Variants in RPTOR observed in about 807,000 individuals in gnomAD.
RPTOR encodes the protein regulatory-associated protein of mTOR.
In RPTOR, 21 loss-of-function variants were observed where a neutral mutation model predicts 169.9. That is an observed-to-expected ratio of 0.12 (90% CI 0.09 to 0.18). The LOEUF is 0.18. RPTOR is among the 10% of genes least tolerant of loss of function. The pLI is 1.00. For missense variants in RPTOR, 1,133 were observed against 1,855.9 expected (o/e 0.61, Z 7.16); for synonymous variants, 732 against 753.2 (o/e 0.97, Z 0.46).
chr17:80,914,822 G>T (rs1471612810), intron 21 of RPTOR, among the ~76,000 whole-genome samples: 1 of 152,258 alleles, frequency 6.6e-6, no homozygotes, highest in Non-Finnish European at 1.5e-5. Context: ...GCAGGAGGCA[G>T]ACAGGGTCCT....
chr17:80,940,548 G>A lies in RPTOR; in HGVS notation c.2972G>A (p.Arg991Gln), dbSNP rs781599712. 1.2e-6 allele frequency: 2 copies of A among 1,613,496 alleles called. No individual in the cohort carries two copies. Among genetic ancestry groups the A allele is most frequent in the South Asian group, 1.1e-5 (1 of 90,988 alleles). ...CAGATCCGCAAGGAGCGGGAGTGGCGGTTCCTGCGAAACAGCCGTGTCAGG... is the reference window on the plus strand; with the variant it reads ...CAGATCCGCAAGGAGCGGGAGTGGCAGTTCCTGCGAAACAGCCGTGTCAGG... ...ESQIRKEREW[R>Q]FLRNSRVRRQ... The change falls in exon 25 of 34, where the codon CGG becomes CAG. Residue 991 changes from arginine to glutamine, a missense_variant. By Grantham distance (43) the Arg-to-Gln change is conservative. Transcript: ENST00000306801.
intron 7 of RPTOR, among the ~76,000 whole-genome samples, chr17:80,812,789 T>C (rs1419496621): frequency 6.6e-6 from 1 of 152,258 alleles, no homozygotes; most frequent in Admixed American, 6.5e-5. Flanking sequence ...CATCTGCCGT[T>C]ACCCGCAAGG....
chr17:80,631,368 AGT>A (rs1268914925), intron 2 of RPTOR, among the ~76,000 whole-genome samples: 4 of 151,982 alleles, frequency 2.6e-5, no homozygotes, highest in African/African-American at 7.3e-5. Flanking sequence ...CATGCAGGAG[AGT>A]GTGAGTGCCC....
At chr17:80,918,420 TCATA>T (rs2068700917) in intron 21 of RPTOR, among the ~76,000 whole-genome samples, 1 of 123,540 alleles carries the variant, frequency 8.1e-6, no homozygotes, top group South Asian at 2.5e-4. Flanking sequence ...CTCGCGGGGG[TCATA>T]GCCACGAGCA....
In RPTOR at chr17:80,923,526, C is replaced by T. The variant is rs2143981034; in HGVS notation, c.2661C>T (p.Ser887=). 1.9e-6 allele frequency: 3 copies of T among 1,613,418 alleles called. No individual in the cohort carries two copies. The highest frequency in any genetic ancestry group is 1.6e-4 in the Middle Eastern group (1 of 6,062). The change falls in exon 23 of 34, where the codon AGC becomes AGT. Residue 887 remains serine, a synonymous_variant. Transcript: ENST00000306801. ...SPPASSTSSS[S]LTNDVAKQPV... ...CGGCGTCCAGCACCAGCAGCTCCAG[C>T]CTGACCAACGATGTGGCCAAGCAGC...
chr17:80,668,207 T>C (rs2065795444), intron 3 of RPTOR, among the ~76,000 whole-genome samples: 1 of 152,026 alleles, frequency 6.6e-6, no homozygotes, highest in South Asian at 2.1e-4. Flanking sequence ...TCCTAGTGAG[T>C]TCTTTTGGGT....
chr17:80,569,991 T>C (rs1568310198), intron 1 of RPTOR, among the ~76,000 whole-genome samples: 1 of 152,146 alleles, frequency 6.6e-6, no homozygotes. Context: ...CTGCCTTGCC[T>C]TCAGGCAGGG....
chr17:80,767,228 G>A (rs1318307179), intron 6 of RPTOR, among the ~76,000 whole-genome samples: 2 of 152,058 alleles, frequency 1.3e-5, no homozygotes, highest in African/African-American at 4.8e-5. Flanking sequence ...AAAATTACTC[G>A]TGCGTGGTGG....
chr17:80,754,730 C>T lies in RPTOR; in HGVS notation c.830+545C>T, dbSNP rs1263075240. 6.6e-6 allele frequency among the ~76,000 whole-genome samples: 1 copy of T among 152,210 alleles called. No individual in the cohort carries two copies. Among genetic ancestry groups the T allele is most frequent in the African/African-American group, 2.4e-5 (1 of 41,454 alleles). On this transcript the variant is annotated intron_variant, in intron 6 of 33. Coordinates refer to ENST00000306801, the MANE Select transcript of RPTOR (RefSeq NM_020761.3). The surrounding 1 kb of genome is among the most constrained non-coding windows in gnomAD (Gnocchi z 4.2). The stretch of plus-strand genomic sequence containing the variant: ...CAGCCCCAACATCCCCAGCAGAACG[C>T]ACAGTGGGATATGTGTGTTTCCTGC...
At position 80,922,779 on chromosome 17, in the gene RPTOR, C is replaced by A; in HGVS notation, c.2576C>A (p.Ser859Ter). The A allele has an allele frequency of 6.3e-7, 1 of 1,578,714 alleles. No individual in the cohort carries two copies. The highest frequency in any genetic ancestry group is 2.4e-5 in the East Asian group (1 of 42,498). ...CTGGACACCTCCTCCCTCACGCAGT[C>A]GGCCCCCGCCAGCCCCACCAACAAG... ...RVLDTSSLTQSAPASPTNKGV... is the reference protein window; with the variant it reads ...RVLDTSSLTQ The change falls in exon 22 of 34, where the codon TCG becomes TAG. Residue 859 changes from serine to a stop codon, truncating the protein, a stop_gained. Coordinates refer to ENST00000306801, the MANE Select transcript of RPTOR (RefSeq NM_020761.3). LOFTEE classifies it high-confidence loss of function.
At chr17:80,873,237 AC>A (rs1470182186) in intron 13 of RPTOR, among the ~76,000 whole-genome samples, 1 of 152,128 alleles carries the variant, frequency 6.6e-6, no homozygotes, top group African/African-American at 2.4e-5. Context: ...CAGCCCTGCC[AC>A]TGGGCACAGG....
chr17:80,862,298 G>A (rs565369905), intron 13 of RPTOR, among the ~76,000 whole-genome samples: 1 of 152,176 alleles, frequency 6.6e-6, no homozygotes, highest in East Asian at 1.9e-4. Context: ...AGTGTTTCCG[G>A]TAGAAACTGA....
chr17:80,642,543 C>G (rs1409341530), intron 2 of RPTOR, among the ~76,000 whole-genome samples: 1 of 152,080 alleles, frequency 6.6e-6, no homozygotes, highest in Non-Finnish European at 1.5e-5. Flanking sequence ...GTTCAATGAG[C>G]TGATATTTTC....
chr17:80,809,444 G>A (rs929471546), intron 7 of RPTOR, among the ~76,000 whole-genome samples: 8 of 152,266 alleles, frequency 5.3e-5, no homozygotes, highest in African/African-American at 1.4e-4. Context: ...CACCCACCTC[G>A]GCCACCCAAG....
intron 11 of RPTOR, among the ~76,000 whole-genome samples, chr17:80,851,993 C>T (rs78188402): frequency 0.024 from 3,728 of 152,302 alleles, 171 homozygotes; most frequent in African/African-American, 0.086. Context: ...GCAGCCATGG[C>T]GAGACCTGCC....
In RPTOR at chr17:80,861,840, TC is replaced by T. The variant is rs148762748; in HGVS notation, c.1509+3941del. 6.6e-6 allele frequency among the ~76,000 whole-genome samples: 1 copy of T among 152,300 alleles called. No homozygotes were observed. Among genetic ancestry groups the T allele is most frequent in the African/African-American group, 2.4e-5 (1 of 41,550 alleles). On this transcript the variant is annotated intron_variant, in intron 13 of 33. Transcript: ENST00000306801. The surrounding 1 kb of genome is among the most constrained non-coding windows in gnomAD (Gnocchi z 4.5). Reference sequence around the variant, plus strand: ...ATTGATGATGTCTTTATTTTTAGTCTCAGGGGTGGCTCTTGGTGAAAGGGGA... The same window carrying T: ...ATTGATGATGTCTTTATTTTTAGTCTAGGGGTGGCTCTTGGTGAAAGGGGA...
rs546153704 is a variant in RPTOR, at chr17:80,653,525, T to C, written c.348+9715T>C. Among the ~76,000 whole-genome samples, 13 of 152,120 alleles carry C rather than the reference T, an allele frequency of 8.5e-5. No individual in the cohort carries two copies. The East Asian group carries it at 2.3e-3, about 27-fold the overall frequency. On this transcript the variant is annotated intron_variant, in intron 3 of 33. Transcript: ENST00000306801. ...AGAGCTGTGGTCTCTCCACCTGGAG[T>C]GTATGTCGGGAGAAAGCTCCTGTCG...
intron 20 of RPTOR, 103 bp downstream of exon 20, chr17:80,893,968 ACTGT>A (rs1445184106): frequency 1.2e-5 from 14 of 1,192,048 alleles, no homozygotes; most frequent in East Asian, 2.8e-5. Flanking sequence ...GGGTGTCAAA[ACTGT>A]CTGTTCAAAA....
At chr17:80,590,517 T>TG in intron 1 of RPTOR, among the ~76,000 whole-genome samples, 1 of 151,016 alleles carries the variant, frequency 6.6e-6, no homozygotes, top group African/African-American at 2.4e-5. Flanking sequence ...CTTTAATGGT[T>TG]GAGCTGTGTG....
Sources: gnomAD v4.1 joint callset for allele counts (sites outside exome capture counted in the v4.1 genomes callset) on GRCh38, gnomAD v4.1.1 for gene constraint, Gnocchi (gnomAD v3.1) non-coding constraint, MANE v1.5 for transcripts, NCBI Gene and HGNC (gene_info 2026-07-23, HGNC 2026-07-21) for gene names.